The following DNAH14 variants were observed in gnomAD, a reference collection of about 807,000 sequenced individuals.
DNAH14 encodes axonemal beta dynein heavy chain 14.
A neutral mutation model predicts 520.9 loss-of-function variants in DNAH14; 478 were observed. The observed-to-expected ratio is 0.92, with a 90% CI of 0.85 to 0.99. The LOEUF (loss-of-function observed/expected upper bound fraction) is 0.99, where lower values mean the gene tolerates loss of function less well. DNAH14 is among the 50% of genes least tolerant of loss of function. The pLI, the probability that DNAH14 is intolerant of heterozygous loss-of-function variation, is 0.00. For synonymous variants in DNAH14, 1,581 were observed against 1,757.2 expected, an observed-to-expected ratio of 0.90 and a Z score of 2.51; for missense variants, 4,831 against 5,234.5, an observed-to-expected ratio of 0.92 and a Z score of 2.38.
intron 17 of DNAH14, among the ~76,000 whole-genome samples, chr1:225,071,858 G>A (rs917296503): frequency 1.3e-5 from 2 of 152,166 alleles, no homozygotes; most frequent in Admixed American, 6.5e-5. Flanking sequence ...AAGAACAGCA[G>A]CATAGGGGTA....
intron 5 of DNAH14, among the ~76,000 whole-genome samples, chr1:224,964,944 C>G (rs2061068158): frequency 1.3e-5 from 2 of 152,122 alleles, no homozygotes; most frequent in Admixed American, 6.6e-5. Flanking sequence ...ATCACTTTTT[C>G]TGTGATTTAA....
chr1:225,219,215 G>A (rs529088619), intron 41 of DNAH14, among the ~76,000 whole-genome samples: 1 of 152,224 alleles, frequency 6.6e-6, no homozygotes, highest in East Asian at 1.9e-4. Flanking sequence ...CAGAAAGCAG[G>A]AAAGATCTAA....
chr1:225,015,832 C>G (rs1238313413), intron 10 of DNAH14, among the ~76,000 whole-genome samples: 5 of 152,236 alleles, frequency 3.3e-5, no homozygotes, highest in Middle Eastern at 3.4e-3. Context: ...GAAGCAACAG[C>G]CTGGGCTCCA....
intron 17 of DNAH14, among the ~76,000 whole-genome samples, chr1:225,072,650 C>T (rs1194422610): frequency 6.6e-6 from 1 of 152,242 alleles, no homozygotes; most frequent in African/African-American, 2.4e-5. Flanking sequence ...CATCATTTAA[C>T]TGATGCTTTC....
chr1:224,939,022 C>A (rs1373348872), intron 1 of DNAH14, among the ~76,000 whole-genome samples: 2 of 151,788 alleles, frequency 1.3e-5, no homozygotes, highest in African/African-American at 2.4e-5. Context: ...TTACCAGAGG[C>A]CGGTAAGGGG....
intron 17 of DNAH14, among the ~76,000 whole-genome samples, chr1:225,059,069 G>C (rs559150911): frequency 4.9e-4 from 75 of 152,254 alleles, no homozygotes; most frequent in South Asian, 4.6e-3. Context: ...GAGTTCAATT[G>C]CTGGATATCC....
chr1:225,173,261 G>A (rs926900552), intron 36 of DNAH14, among the ~76,000 whole-genome samples: 9 of 152,142 alleles, frequency 5.9e-5, no homozygotes, highest in African/African-American at 1.7e-4. Flanking sequence ...TGACAAATGG[G>A]ATCTAATTAA....
In DNAH14 at chr1:225,270,858, A is replaced by G; in HGVS notation, c.7663A>G (p.Ile2555Val). Residue 2555 changes from isoleucine to valine, a missense_variant, in exon 50 of 86, where the codon ATT (isoleucine) becomes GTT (valine). Physicochemically the swap from Ile to Val is conservative, Grantham distance 29. Coordinates refer to ENST00000682510, the MANE Select transcript of DNAH14 (RefSeq NM_001367479.1). Reference sequence around the variant, plus strand: ...TCCTTCACAAGACATCTTATGTACTATTTTCCAGGTAACACATCTAGTTCA... The same window carrying G: ...TCCTTCACAAGACATCTTATGTACTGTTTTCCAGGTAACACATCTAGTTCA... ...PHPSQDILCT[I>V]FQAHLGIYFS... The G allele has an allele frequency of 6.4e-7, 1 of 1,550,496 alleles. No homozygotes were observed. The highest frequency in any genetic ancestry group is 2.4e-5 in the East Asian group (1 of 40,850).
At chr1:225,065,429 C>T (rs889660427) in intron 17 of DNAH14, among the ~76,000 whole-genome samples, 5 of 150,790 alleles carry the variant, frequency 3.3e-5, no homozygotes, top group African/African-American at 4.9e-5. Context: ...CCATGCTGTG[C>T]AATGCATCTC....
At chr1:224,967,087 G>GT (rs1280863820) in intron 5 of DNAH14, among the ~76,000 whole-genome samples, 1 of 151,994 alleles carries the variant, frequency 6.6e-6, no homozygotes, top group Non-Finnish European at 1.5e-5. Context: ...AAGATTTCTG[G>GT]TGTTGGCAGA....
chr1:225,027,353 C>G (rs530568280), intron 11 of DNAH14, among the ~76,000 whole-genome samples: 1 of 152,140 alleles, frequency 6.6e-6, no homozygotes, highest in Non-Finnish European at 1.5e-5. Context: ...GGAAAACATA[C>G]AGTCTTTCAT....
intron 41 of DNAH14, among the ~76,000 whole-genome samples, chr1:225,224,380 C>G (rs1183635985): frequency 6.6e-6 from 1 of 151,890 alleles, no homozygotes; most frequent in African/African-American, 2.4e-5. Flanking sequence ...AGCCCCCAGG[C>G]TGCACTTTCT....
chr1:225,116,484 C>T (rs1053566672), intron 23 of DNAH14, among the ~76,000 whole-genome samples: 9 of 152,012 alleles, frequency 5.9e-5, no homozygotes, highest in African/African-American at 1.2e-4. Flanking sequence ...AAAGAGGTCC[C>T]GGGTTATGCC....
chr1:225,116,562 C>T (rs540066661), intron 23 of DNAH14, among the ~76,000 whole-genome samples: 1 of 152,052 alleles, frequency 6.6e-6, no homozygotes, highest in Non-Finnish European at 1.5e-5. Flanking sequence ...CTTCAGTTAG[C>T]AATTGGGTAT....
intron 1 of DNAH14, among the ~76,000 whole-genome samples, chr1:224,943,846 T>C (rs1432486231): frequency 1.3e-5 from 2 of 152,226 alleles, no homozygotes; most frequent in African/African-American, 4.8e-5. Context: ...TTGATTGCAC[T>C]GTGGTCTGAG....
intron 38 of DNAH14, among the ~76,000 whole-genome samples, chr1:225,193,145 T>C (rs2085669707): frequency 6.6e-6 from 1 of 152,148 alleles, no homozygotes; most frequent in African/African-American, 2.4e-5. Context: ...TATTTGCTTT[T>C]AAAGGAGCAC....
rs148952323 is a variant in DNAH14, at chr1:225,209,945, C to G, written c.6439+2725C>G. 1.9e-3 allele frequency among the ~76,000 whole-genome samples: 285 copies of G among 152,188 alleles called. 2 individuals are homozygous for G. The highest frequency in any genetic ancestry group is 0.017 in the Admixed American group (258 of 15,288). On this transcript the variant is annotated intron_variant, in intron 41 of 85. Transcript: ENST00000682510. Reference sequence around the variant, plus strand: ...CAAGAGAAGTTGTGAGGGACAATGCCATGAGGAACAGTGCATTCTGGCCCA... The same window carrying G: ...CAAGAGAAGTTGTGAGGGACAATGCGATGAGGAACAGTGCATTCTGGCCCA...
intron 28 of DNAH14, among the ~76,000 whole-genome samples, chr1:225,141,670 G>A (rs1382921008): frequency 6.6e-6 from 1 of 152,094 alleles, no homozygotes; most frequent in East Asian, 1.9e-4. Context: ...ACAGAGGGCA[G>A]TATCTTTCCA....
chr1:225,032,373 C>A (rs1572587171), intron 11 of DNAH14, among the ~76,000 whole-genome samples: 1 of 152,146 alleles, frequency 6.6e-6, no homozygotes, highest in South Asian at 2.1e-4. Flanking sequence ...AGGATGATCA[C>A]CTCTAGCTCC....
Sources: gnomAD v4.1 joint callset for allele counts (sites outside exome capture counted in the v4.1 genomes callset) on GRCh38, gnomAD v4.1.1 for gene constraint, MANE v1.5 for transcripts, NCBI Gene and HGNC (gene_info 2026-07-23, HGNC 2026-07-21) for gene names.